The following INSL6 variants were observed in gnomAD, a reference collection of about 807,000 sequenced individuals.
INSL6 encodes the protein insulin like 6.
Under a neutral mutation model 9.4 loss-of-function variants are expected in INSL6, and 16 were observed. The ratio of observed to expected loss-of-function variants is 1.70; its 90% CI spans 1.15 to 2.59. The LOEUF is 2.59. Among genes scored for constraint, INSL6 ranks in the 30% most tolerant of loss-of-function variants. INSL6 has a pLI of 0.00. For missense variants in INSL6, 391 were observed against 257.3 expected (o/e 1.52, Z -3.56); for synonymous variants, 154 against 96.9 (o/e 1.59, Z -3.46).
the INSL6 span, among the ~76,000 whole-genome samples, chr9:5,075,241 T>C: frequency 6.6e-6 from 1 of 152,198 alleles, no homozygotes; most frequent in African/African-American, 2.4e-5. Flanking sequence ...CAGCAAGTTA[T>C]CCAGAAGATC....
the INSL6 span, among the ~76,000 whole-genome samples, chr9:5,037,919 G>C: frequency 6.6e-6 from 1 of 152,134 alleles, no homozygotes; most frequent in East Asian, 1.9e-4. Context: ...CATAAGGTTA[G>C]TATTCTTGTA....
the INSL6 span, among the ~76,000 whole-genome samples, chr9:4,993,248 T>G: frequency 6.6e-6 from 1 of 152,224 alleles, no homozygotes; most frequent in Non-Finnish European, 1.5e-5. Flanking sequence ...TTAGATAATA[T>G]TTCGTCTGAA....
chr9:5,034,067 C>CA, the INSL6 span, among the ~76,000 whole-genome samples: 309 of 151,512 alleles, frequency 2.0e-3, 1 homozygote, highest in African/African-American at 7.1e-3. Context: ...AAACGGAAAA[C>CA]AAAAAAAGGC....
intron 2 of INSL6, among the ~76,000 whole-genome samples, chr9:5,149,400 T>C (rs1032642105): frequency 6.6e-6 from 1 of 152,218 alleles, no homozygotes; most frequent in Non-Finnish European, 1.5e-5. Flanking sequence ...TCAGCCATCT[T>C]GCTTACCTTC....
chr9:5,141,632 G>T (rs1427585536), intron 2 of INSL6, among the ~76,000 whole-genome samples: 1 of 152,106 alleles, frequency 6.6e-6, no homozygotes, highest in Non-Finnish European at 1.5e-5. Flanking sequence ...TTTGTCAGAT[G>T]CATAGTTTGC....
At chr9:5,177,875 TTTC>T (rs1222582596) in intron 1 of INSL6, among the ~76,000 whole-genome samples, 1 of 151,774 alleles carries the variant, frequency 6.6e-6, no homozygotes, top group East Asian at 2.0e-4. Flanking sequence ...CTTCTTTCTT[TTTC>T]TTCTTTTTCT....
At chr9:4,999,526 A>G in the INSL6 span, among the ~76,000 whole-genome samples, 7 of 152,236 alleles carry the variant, frequency 4.6e-5, no homozygotes, top group Non-Finnish European at 1.0e-4. Context: ...AGAAGGACAG[A>G]ACTAATAGGA....
At chr9:5,183,075 G>C (rs1292372650) in intron 1 of INSL6, among the ~76,000 whole-genome samples, 2 of 152,098 alleles carry the variant, frequency 1.3e-5, no homozygotes, top group South Asian at 4.1e-4. Flanking sequence ...GAAATAAAAA[G>C]TAATCAACTT....
At chr9:5,114,425 C>G in the INSL6 span, 2 of 494,614 alleles carry the variant, frequency 4.0e-6, no homozygotes, top group South Asian at 1.8e-5. Flanking sequence ...AGGGGGAGAC[C>G]TACCAGTGCA....
the INSL6 span, among the ~76,000 whole-genome samples, chr9:4,997,225 G>A: frequency 3.9e-5 from 6 of 151,992 alleles, no homozygotes; most frequent in South Asian, 2.1e-4. Flanking sequence ...GAGCCACCGC[G>A]CATGGCCTGT....
chr9:5,035,097 A>C, the INSL6 span, among the ~76,000 whole-genome samples: 3 of 152,240 alleles, frequency 2.0e-5, no homozygotes, highest in South Asian at 6.2e-4. Flanking sequence ...AGAGAATACT[A>C]TAAACACCTC....
chr9:5,119,554 ATAT>A (rs1462971967), downstream of INSL6, among the ~76,000 whole-genome samples: 1 of 152,184 alleles, frequency 6.6e-6, no homozygotes, highest in African/African-American at 2.4e-5. Context: ...AATTAATTTC[ATAT>A]TATGAAAATA....
chr9:5,106,189 A>G, the INSL6 span, among the ~76,000 whole-genome samples: 2 of 151,982 alleles, frequency 1.3e-5, no homozygotes, highest in Non-Finnish European at 2.9e-5. Context: ...TCCAAAATCT[A>G]CAAAGAAATT....
At chr9:5,117,598 T>A in the INSL6 span, among the ~76,000 whole-genome samples, 2 of 152,210 alleles carry the variant, frequency 1.3e-5, no homozygotes, top group African/African-American at 4.8e-5. Context: ...CTTATCAAAG[T>A]TTATTTTGGA....
exon 3 of INSL6, chr9:5,133,569 G>C (rs879668554): frequency 6.5e-6 from 1 of 153,160 alleles, no homozygotes; most frequent in Non-Finnish European, 1.4e-5. Context: ...ATCTGGAGTG[G>C]GCCTCCAGCA....
chr9:5,062,500 T>TAAAAAAAAAAAAAAA, the INSL6 span, among the ~76,000 whole-genome samples: 48 of 58,228 alleles, frequency 8.2e-4, 3 homozygotes, highest in African/African-American at 4.3e-3. Flanking sequence ...CTTCCATTTG[T>TAAAAAAAAAAAAAAA]AAAAAAAAAA....
the INSL6 span, among the ~76,000 whole-genome samples, chr9:5,060,437 A>G: frequency 1.3e-5 from 2 of 152,210 alleles, no homozygotes; most frequent in African/African-American, 2.4e-5. Flanking sequence ...CCACTGCTTT[A>G]TGTACTAAAC....
the INSL6 span, chr9:5,072,678 C>T: frequency 7.3e-7 from 1 of 1,369,130 alleles, no homozygotes; most frequent in Non-Finnish European, 9.8e-7. Flanking sequence ...TAAAGATGTG[C>T]TCTCATATGC....
chr9:5,177,878 CTTCT>C (rs1825348709), intron 1 of INSL6, among the ~76,000 whole-genome samples: 1 of 151,720 alleles, frequency 6.6e-6, no homozygotes, highest in Admixed American at 6.6e-5. Context: ...CTTTCTTTTT[CTTCT>C]TTTTCTTTTT....
Sources: gnomAD v4.1 joint callset for allele counts (sites outside exome capture counted in the v4.1 genomes callset) on GRCh38, gnomAD v4.1.1 for gene constraint, MANE v1.5 for transcripts, NCBI Gene and HGNC (gene_info 2026-07-23, HGNC 2026-07-21) for gene names.